Variants in F13B observed in about 807,000 individuals in gnomAD.
F13B encodes the protein coagulation factor XIII B chain.
F13B carries 58 observed loss-of-function variants against 79.8 expected under a neutral mutation model. The observed-to-expected ratio is 0.73, with a 90% CI of 0.59 to 0.90. The LOEUF (loss-of-function observed/expected upper bound fraction) is 0.90, where lower values mean the gene tolerates loss of function less well. Among genes scored for constraint, F13B ranks in the 40% least tolerant of loss-of-function variants. The pLI, the probability that F13B is intolerant of heterozygous loss-of-function variation, is 0.00. For missense variants in F13B, 773 were observed against 777.0 expected, an observed-to-expected ratio of 0.99 and a Z score of 0.06; for synonymous variants, 283 against 260.3, an observed-to-expected ratio of 1.09 and a Z score of -0.84.
At chr1:197,047,360 CT>C (rs1428442128) in intron 10 of F13B, among the ~76,000 whole-genome samples, 1 of 152,198 alleles carries the variant, frequency 6.6e-6, no homozygotes, top group Non-Finnish European at 1.5e-5. Context: ...CGAACAGACA[CT>C]TCTCAAAAGA....
intron 1 of F13B, among the ~76,000 whole-genome samples, chr1:197,063,492 A>AT (rs1655941879): frequency 6.6e-6 from 1 of 151,770 alleles, no homozygotes. Flanking sequence ...TTTTTGTTTT[A>AT]TTTTTTGTAG....
chr1:197,040,580 G>A lies in F13B; in HGVS notation c.1894C>T (p.Leu632Phe), dbSNP rs1318634706. 1.2e-6 allele frequency: 2 copies of A among 1,612,614 alleles called. No homozygotes were observed. Among genetic ancestry groups the A allele is most frequent in the Admixed American group, 1.7e-5 (1 of 59,934 alleles). Residue 632 changes from leucine to phenylalanine, a missense_variant, in exon 11 of 12, where the codon CTT (leucine) becomes TTT (phenylalanine). By Grantham distance (22) the Leu-to-Phe change is conservative. Coordinates refer to ENST00000367412, the MANE Select transcript of F13B (RefSeq NM_001994.3). ...TGCCCTCTGTCACATTGCATTCTAA[G>A]TATAGATCCAGTAATATATAATTCA... ...PAELYITGSI[L>F]RMQCDRGQLK...
chr1:197,039,411 G>T lies in F13B; in HGVS notation c.1953C>A (p.Ser651Arg). The T allele has an allele frequency of 1.2e-6, 2 of 1,609,244 alleles. No homozygotes were observed. Among genetic ancestry groups the T allele is most frequent in the East Asian group, 4.5e-5 (2 of 44,642 alleles). Residue 651 changes from serine (S) to arginine (R), a missense_variant and splice_region_variant, in exon 12 of 12, where the codon AGC (serine) becomes AGA (arginine). Physicochemically the swap from Ser to Arg is moderately radical, Grantham distance 110. Coordinates refer to ENST00000367412, the MANE Select transcript of F13B (RefSeq NM_001994.3). ...TTAAGGGTTCTTGATAAGACAGAGT[G>T]CTTGAGGGGAAAAAGAGAGATTTTT... Reference protein sequence around the residue: ...LKYPRCIPRQSTLSYQEPLRT With the variant: ...LKYPRCIPRQRTLSYQEPLRT
chr1:197,050,694 T>C lies in F13B; in HGVS notation c.1738+3A>G, dbSNP rs1183619072. On this transcript the variant is annotated splice_donor_region_variant and intron_variant, in intron 10 of 11. Transcript: ENST00000367412. The stretch of plus-strand genomic sequence containing the variant: ...TGTTAGAGGCATATTTAGTAGTACA[T>C]ACCTAAACACAATGGTGGTGTAGTC... The C allele has an allele frequency of 1.2e-6, 2 of 1,612,364 alleles. No homozygotes were observed. The highest frequency in any genetic ancestry group is 1.7e-6 in the Non-Finnish European group (2 of 1,178,876).
In F13B at chr1:197,039,340, A is replaced by T. The variant is rs1418357133; in HGVS notation, c.*38T>A. 5.9e-6 allele frequency: 9 copies of T among 1,521,654 alleles called. No individual in the cohort carries two copies. The highest frequency in any genetic ancestry group is 1.7e-4 in the Middle Eastern group (1 of 5,856). The allele number at this position is 1,521,654 out of a possible 1,614,324, so 94.3% of individuals were successfully genotyped here. ...ATTATATTTTATAAGGAATTTCATG[A>T]TGTATTGAAATATGACTCCTCTTTC... is the stretch of plus-strand genomic sequence containing the variant. On this transcript the variant is annotated 3_prime_UTR_variant, in exon 12 of 12. Transcript: ENST00000367412.
chr1:197,041,877 T>A (rs923985100), intron 10 of F13B, among the ~76,000 whole-genome samples: 1 of 152,210 alleles, frequency 6.6e-6, no homozygotes, highest in African/African-American at 2.4e-5. Context: ...ATTGTTACCA[T>A]GGATCTTAGC....
At chr1:197,052,972 C>T (rs77939394) in intron 8 of F13B, 138 bp from the exon 9 acceptor site, 53 of 526,030 alleles carry the variant, frequency 1.0e-4, no homozygotes, top group East Asian at 9.3e-4. Context: ...CTCTCACACA[C>T]ATATATATAT....
At chr1:197,053,804 G>C (rs949622004) in intron 8 of F13B, among the ~76,000 whole-genome samples, 20 of 152,028 alleles carry the variant, frequency 1.3e-4, no homozygotes, top group African/African-American at 4.8e-4. Flanking sequence ...TTGCACAAAA[G>C]CTTGAAGGAG....
In F13B at chr1:197,039,188, C is replaced by T; in HGVS notation, c.*190G>A. The T allele has an allele frequency of 1.8e-6, 1 of 564,522 alleles. No individual in the cohort carries two copies. Among genetic ancestry groups the T allele is most frequent in the South Asian group, 2.3e-5 (1 of 44,222 alleles). 35.0% of individuals were successfully genotyped at this position (564,522 alleles called of 1,614,324 possible). ...AAAGAGATTAAGTTCTACATCAAAT[C>T]ATACAAACTAAAAATTAGACATTTA... On this transcript the variant is annotated 3_prime_UTR_variant, in exon 12 of 12. Transcript: ENST00000367412.
chr1:197,047,808 C>T (rs1251531375), intron 10 of F13B, among the ~76,000 whole-genome samples: 1 of 152,040 alleles, frequency 6.6e-6, no homozygotes, highest in East Asian at 1.9e-4. Flanking sequence ...TACTATGCAG[C>T]CATTAAAAAG....
intron 9 of F13B, among the ~76,000 whole-genome samples, chr1:197,051,202 C>G (rs1193987705): frequency 2.0e-5 from 3 of 152,098 alleles, no homozygotes; most frequent in Non-Finnish European, 4.4e-5. Flanking sequence ...AGCCACTGCA[C>G]CTAGCCATAA....
chr1:197,055,793 T>G lies in F13B; in HGVS notation c.1276A>C (p.Asn426His). The G allele has an allele frequency of 1.2e-6, 2 of 1,613,688 alleles. No homozygotes were observed. Among genetic ancestry groups the G allele is most frequent in the Non-Finnish European group, 1.7e-6 (2 of 1,179,758 alleles). Residue 426 changes from asparagine to histidine, a missense_variant, in exon 8 of 12, where the codon AAT becomes CAT. Coordinates refer to ENST00000367412, the MANE Select transcript of F13B (RefSeq NM_001994.3). ...ATGSSVEYRC[N>H]EYYLLRGSKI... is the part of the protein sequence containing the mutation. The stretch of plus-strand genomic sequence containing the variant: ...GATCCCCTCAGTAAGTAATATTCAT[T>G]GCATCTATATTCCACTGAGGATCCT...
chr1:197,047,842 G>C (rs1434317318), intron 10 of F13B, among the ~76,000 whole-genome samples: 2 of 152,116 alleles, frequency 1.3e-5, no homozygotes, highest in Non-Finnish European at 2.9e-5. Context: ...CCTTTGCAGG[G>C]ACATGGATGA....
intron 10 of F13B, among the ~76,000 whole-genome samples, chr1:197,045,533 A>C (rs1237731515): frequency 6.6e-6 from 1 of 152,202 alleles, no homozygotes; most frequent in African/African-American, 2.4e-5. Context: ...CTACAAATCA[A>C]AAAAAGCCCA....
chr1:197,048,161 C>A (rs17549755), intron 10 of F13B, among the ~76,000 whole-genome samples: 2,762 of 146,972 alleles, frequency 0.019, 86 homozygotes, highest in African/African-American at 0.069. Context: ...TATATATATA[C>A]ACACACACCT....
In F13B at chr1:197,039,342, G is replaced by A. The variant is rs773916810; in HGVS notation, c.*36C>T. The stretch of plus-strand genomic sequence containing the variant: ...TATATTTTATAAGGAATTTCATGAT[G>A]TATTGAAATATGACTCCTCTTTCTG... On this transcript the variant is annotated 3_prime_UTR_variant, in exon 12 of 12. Coordinates refer to ENST00000367412, the MANE Select transcript of F13B (RefSeq NM_001994.3). The A allele has an allele frequency of 7.8e-6, 12 of 1,529,148 alleles. No individual in the cohort carries two copies. The highest frequency in any genetic ancestry group is 6.7e-5 in the Admixed American group (4 of 59,570). 94.7% of individuals were successfully genotyped at this position (1,529,148 alleles called of 1,614,324 possible). A position where few individuals can be genotyped will look rare whatever the true frequency, so the allele number is the denominator to read the frequency against.
chr1:197,050,984 T>A, intron 9 of F13B, 105 bp from the exon 10 acceptor site: 1 of 961,624 alleles, frequency 1.0e-6, no homozygotes, highest in Non-Finnish European at 1.6e-6. Context: ...CAGGCTGGAG[T>A]ATGGTGGCAT....
At chr1:197,041,686 G>T (rs1290985638) in intron 10 of F13B, among the ~76,000 whole-genome samples, 1 of 152,116 alleles carries the variant, frequency 6.6e-6, no homozygotes, top group African/African-American at 2.4e-5. Flanking sequence ...GCTAAACCCT[G>T]TTGTCATTCT....
chr1:197,049,250 A>G (rs2125061036), intron 10 of F13B, among the ~76,000 whole-genome samples: 1 of 152,182 alleles, frequency 6.6e-6, no homozygotes, highest in East Asian at 1.9e-4. Flanking sequence ...CATAGAAGAA[A>G]GGAAATAATA....
Sources: allele counts gnomAD v4.1 joint callset (sites outside exome capture counted in the v4.1 genomes callset), GRCh38; gene constraint gnomAD v4.1.1; transcripts MANE v1.5; gene names NCBI Gene and HGNC (gene_info 2026-07-23, HGNC 2026-07-21).